Variants in COX7A2 observed in about 807,000 individuals in gnomAD.
The protein encoded by COX7A2 is cytochrome c oxidase subunit 7A2.
In COX7A2, 11 loss-of-function variants were observed where a neutral mutation model predicts 11.6. The ratio of observed to expected loss-of-function variants is 0.95; its 90% confidence interval spans 0.60 to 1.57. The LOEUF (loss-of-function observed/expected upper bound fraction) is 1.57. Ranked by LOEUF, COX7A2 falls within the 40% of genes most tolerant of loss-of-function variation. COX7A2 has a pLI of 0.00. For missense variants in COX7A2, 106 were observed against 100.9 expected, an observed-to-expected ratio of 1.05 and a Z score of -0.22; for synonymous variants, 30 against 38.2, an observed-to-expected ratio of 0.78 and a Z score of 0.79.
At chr6:75,238,021 T>C in intron 3 of COX7A2, 33 bp from the exon 4 acceptor site, 7 of 1,436,568 alleles carry the variant, frequency 4.9e-6, no homozygotes, top group South Asian at 1.4e-5. Context: ...AACTTAACCA[T>C]AAATTCTAAG....
Position 75,243,779 on chromosome 6 carries a change from A to G in COX7A2, c.-45T>C, listed in dbSNP as rs1338424990. 10 of 1,614,100 alleles carry G rather than the reference A, an allele frequency of 6.2e-6. No individual in the cohort carries two copies. The highest frequency in any genetic ancestry group is 1.3e-5 in the African/African-American group (1 of 75,030). On this transcript the variant is annotated 5_prime_UTR_variant, in exon 1 of 4. Coordinates refer to ENST00000684430, the MANE Select transcript of COX7A2 (RefSeq NM_001366293.2). The stretch of plus-strand genomic sequence containing the variant: ...CAACCGCCACAACTGAACACCACCA[A>G]CGAAAATGGCCACGCCGGAACCGGA...
At chr6:75,240,469 T>A in intron 2 of COX7A2, 84 bp from the exon 3 acceptor site, 1 of 856,068 alleles carries the variant, frequency 1.2e-6, no homozygotes. Context: ...GCATATAAAA[T>A]GATATAGCTC....
At chr6:75,240,414 A>T in intron 2 of COX7A2, 29 bp from the exon 3 acceptor site, 1 of 1,414,634 alleles carries the variant, frequency 7.1e-7, no homozygotes, top group Non-Finnish European at 9.7e-7. Flanking sequence ...AAAAAAGACA[A>T]TAATAAATGT....
chr6:75,239,920 G>A lies in COX7A2; in HGVS notation c.193+381C>T, dbSNP rs552055015. On this transcript the variant is annotated intron_variant, in intron 3 of 3. Coordinates refer to ENST00000684430, the MANE Select transcript of COX7A2 (RefSeq NM_001366293.2). ...AGTTCAAGACCAGCCTGACCAACACGGAGAAACTCCGTCTCTACTAAAACT... is the reference window on the plus strand; with the variant it reads ...AGTTCAAGACCAGCCTGACCAACACAGAGAAACTCCGTCTCTACTAAAACT... Among the ~76,000 whole-genome samples, 12 of 152,226 alleles carry A rather than the reference G, an allele frequency of 7.9e-5. No individual in the cohort carries two copies. The East Asian group carries it at 1.2e-3, about 15-fold the overall frequency.
At chr6:75,247,374 G>C (rs1471841442), upstream of COX7A2, among the ~76,000 whole-genome samples, 2 of 152,168 alleles carry the variant, frequency 1.3e-5, no homozygotes, top group Non-Finnish European at 2.9e-5. Flanking sequence ...CTAGAGCCAT[G>C]CTTAACCAAC....
At chr6:75,242,582 G>A (rs929229900) in intron 1 of COX7A2, among the ~76,000 whole-genome samples, 1 of 113,062 alleles carries the variant, frequency 8.8e-6, no homozygotes, top group African/African-American at 3.5e-5. Context: ...AGCGCTTTGG[G>A]AGGCTGAGGC....
At chr6:75,247,411 G>GTT (rs898529613), upstream of COX7A2, among the ~76,000 whole-genome samples, 3 of 152,098 alleles carry the variant, frequency 2.0e-5, no homozygotes, top group African/African-American at 7.2e-5. Flanking sequence ...ATATAGAACA[G>GTT]TTTCATGTGA....
chr6:75,242,820 AAAAAAAAAATAAAATAAAAT>A (rs1381759761), intron 1 of COX7A2, among the ~76,000 whole-genome samples: 2 of 147,880 alleles, frequency 1.4e-5, no homozygotes, highest in Non-Finnish European at 3.0e-5. Flanking sequence ...CTACGTCTCA[AAAAAAAAAATAAAATAAAAT>A]AAAATAAAAT....
upstream of COX7A2, among the ~76,000 whole-genome samples, chr6:75,248,335 G>A (rs1236996003): frequency 1.1e-3 from 2 of 1,856 alleles, 1 homozygote; most frequent in Non-Finnish European, 8.8e-3. Flanking sequence ...TGATCCGCCC[G>A]CCTCGGCCTC....
chr6:75,239,696 G>T (rs553119190), intron 3 of COX7A2, among the ~76,000 whole-genome samples: 1 of 152,280 alleles, frequency 6.6e-6, no homozygotes, highest in South Asian at 2.1e-4. Flanking sequence ...GTAAGAGGTG[G>T]GATATAATGG....
chr6:75,239,262 G>A (rs1771415778), intron 3 of COX7A2, among the ~76,000 whole-genome samples: 1 of 152,204 alleles, frequency 6.6e-6, no homozygotes, highest in Admixed American at 6.5e-5. Context: ...TCAACCTGTG[G>A]AATCTGATGC....
At chr6:75,241,067 G>T in intron 2 of COX7A2, 109 bp downstream of exon 2, 6 of 1,375,466 alleles carry the variant, frequency 4.4e-6, no homozygotes, top group Admixed American at 4.0e-5. Flanking sequence ...TTTTTGTAAT[G>T]TTTATATTGT....
intron 3 of COX7A2, 80 bp downstream of exon 3, chr6:75,240,221 G>A: frequency 9.7e-7 from 1 of 1,029,416 alleles, no homozygotes; most frequent in Non-Finnish European, 1.5e-6. Context: ...TTAAAATACT[G>A]GCATAGCAAA....
intron 1 of COX7A2, among the ~76,000 whole-genome samples, chr6:75,243,310 C>G (rs757184615): frequency 2.0e-5 from 3 of 152,284 alleles, no homozygotes; most frequent in Non-Finnish European, 4.4e-5. Flanking sequence ...AAGCTCAAAA[C>G]CATTGAAACT....
chr6:75,243,861 G>A, upstream of COX7A2: 2 of 1,600,582 alleles, frequency 1.2e-6, no homozygotes, highest in Admixed American at 1.7e-5. Flanking sequence ...GGGCCGAAGA[G>A]AGGCTTGCGC....
intron 1 of COX7A2, 133 bp from the exon 2 acceptor site, chr6:75,241,398 T>G: frequency 1.5e-6 from 1 of 686,756 alleles, no homozygotes; most frequent in Non-Finnish European, 2.3e-6. Context: ...AGCAAAGTCA[T>G]GCAAGAGCAT....
intron 1 of COX7A2, 60 bp downstream of exon 1, chr6:75,243,657 C>T: frequency 1.3e-6 from 2 of 1,528,506 alleles, no homozygotes; most frequent in Non-Finnish European, 1.8e-6. Context: ...TGTCGTGGTG[C>T]CTCAGCCTCC....
chr6:75,246,410 T>C (rs929603648), upstream of COX7A2, among the ~76,000 whole-genome samples: 61 of 152,198 alleles, frequency 4.0e-4, no homozygotes, highest in African/African-American at 1.4e-3. Flanking sequence ...CACTTCTCAT[T>C]ATCTCCAACA....
upstream of COX7A2, chr6:75,243,885 G>A (rs985800469): frequency 1.9e-6 from 3 of 1,540,036 alleles, no homozygotes; most frequent in East Asian, 2.3e-5. Flanking sequence ...TAACCATAGA[G>A]AGCAAAAGAA....
Sources: gnomAD v4.1 joint callset for allele counts (sites outside exome capture counted in the v4.1 genomes callset) on GRCh38, gnomAD v4.1.1 for gene constraint, MANE v1.5 for transcripts, NCBI Gene and HGNC (gene_info 2026-07-23, HGNC 2026-07-21) for gene names.